SPCS2: variants seen among roughly 807,000 people sequenced by gnomAD.
The protein encoded by SPCS2 is SPase 25 kDa subunit.
Under a neutral mutation model 22.3 loss-of-function variants are expected in SPCS2, and 3 were observed. The observed-to-expected ratio is 0.13, with a 90% CI of 0.06 to 0.35. The LOEUF (loss-of-function observed/expected upper bound fraction) is 0.35, where lower values mean the gene tolerates loss of function less well. Ranked by LOEUF, SPCS2 falls within the 10% of genes least tolerant of loss-of-function variation. SPCS2 has a pLI of 1.00. For missense variants in SPCS2, 169 were observed against 280.9 expected (o/e 0.60, Z 2.85); for synonymous variants, 67 against 97.2 (o/e 0.69, Z 1.83).
At chr11:74,965,718 G>A (rs926245344) in intron 2 of SPCS2, 45 bp from the exon 3 acceptor site, 80 of 1,491,768 alleles carry the variant, frequency 5.4e-5, no homozygotes, top group Non-Finnish European at 7.3e-5. Flanking sequence ...CACATACTGG[G>A]GAGGAAGTAT....
At chr11:74,965,568 T>C (rs1565486537) in intron 2 of SPCS2, among the ~76,000 whole-genome samples, 195 bp from the exon 3 acceptor site, 1 of 152,162 alleles carries the variant, frequency 6.6e-6, no homozygotes, top group Non-Finnish European at 1.5e-5. Context: ...AAGTTTTTTA[T>C]ATGAGGGATT....
At chr11:74,972,123 A>G (rs1022591326) in intron 4 of SPCS2, among the ~76,000 whole-genome samples, 6 of 151,948 alleles carry the variant, frequency 3.9e-5, no homozygotes, top group Non-Finnish European at 4.4e-5. Context: ...CTGGAGCGCA[A>G]TGACGCGATC....
At chr11:74,973,865 T>G (rs1948600827) in intron 4 of SPCS2, among the ~76,000 whole-genome samples, 1 of 152,154 alleles carries the variant, frequency 6.6e-6, no homozygotes, top group Non-Finnish European at 1.5e-5. Context: ...GTCTATGGGA[T>G]TCTATCTCTT....
chr11:74,962,890 T>C (rs983015546), intron 1 of SPCS2, among the ~76,000 whole-genome samples: 2 of 152,258 alleles, frequency 1.3e-5, no homozygotes, highest in Admixed American at 6.5e-5. Context: ...TACATTGTAA[T>C]GGCTGCTTCT....
At chr11:74,956,534 G>A (rs181163294) in intron 1 of SPCS2, among the ~76,000 whole-genome samples, 2 of 150,490 alleles carry the variant, frequency 1.3e-5, no homozygotes, top group Non-Finnish European at 2.9e-5. Flanking sequence ...TCTCATTGTC[G>A]TATTTTCCTG....
chr11:74,963,544 A>ATTGTTTGTTTGT, intron 1 of SPCS2: 1 of 403,484 alleles, frequency 2.5e-6, no homozygotes, highest in South Asian at 1.8e-5. Flanking sequence ...TTTATTTTTT[A>ATTGTTTGTTTGT]TTGTTTGTTT....
intron 4 of SPCS2, among the ~76,000 whole-genome samples, chr11:74,975,229 G>T (rs1948608477): frequency 6.6e-6 from 1 of 152,066 alleles, no homozygotes; most frequent in Non-Finnish European, 1.5e-5. Flanking sequence ...CAGGGCCTTT[G>T]CACTTGCTGT....
At chr11:74,955,886 A>ATATATATT (rs1948476432) in intron 1 of SPCS2, among the ~76,000 whole-genome samples, 1 of 128,896 alleles carries the variant, frequency 7.8e-6, no homozygotes, top group East Asian at 2.5e-4. Flanking sequence ...ATATATATAT[A>ATATATATT]TCTGCCTGCC....
At chr11:74,965,159 A>T in intron 2 of SPCS2, 42 bp downstream of exon 2, 1 of 1,269,098 alleles carries the variant, frequency 7.9e-7, no homozygotes, top group Non-Finnish European at 1.1e-6. Flanking sequence ...TATACAGCTG[A>T]TGGCCATCTC....
At chr11:74,955,047 A>G (rs561275056) in intron 1 of SPCS2, among the ~76,000 whole-genome samples, 221 of 152,190 alleles carry the variant, frequency 1.5e-3, no homozygotes, top group Admixed American at 2.9e-3. Flanking sequence ...TAAGATTGCT[A>G]TAATAAAGGG....
intron 4 of SPCS2, among the ~76,000 whole-genome samples, chr11:74,973,042 G>A (rs1056732751): frequency 1.3e-5 from 2 of 152,036 alleles, no homozygotes; most frequent in African/African-American, 4.8e-5. Flanking sequence ...CACAGGAAGG[G>A]GAACATCCCT....
intron 1 of SPCS2, among the ~76,000 whole-genome samples, chr11:74,955,090 GAATATGGAGAAATCAGAA>G (rs1431690207): frequency 6.6e-6 from 1 of 152,162 alleles, no homozygotes; most frequent in African/African-American, 2.4e-5. Flanking sequence ...GTTTTGGTGA[GAATATGGAGAAATCAGAA>G]TCTTCATATA....
chr11:74,955,059 G>GA (rs145962593), intron 1 of SPCS2, among the ~76,000 whole-genome samples: 8 of 151,664 alleles, frequency 5.3e-5, no homozygotes, highest in African/African-American at 1.9e-4. Flanking sequence ...AATAAAGGGG[G>GA]AAAAAAAAGG....
chr11:74,962,618 A>G (rs1226742702), intron 1 of SPCS2, among the ~76,000 whole-genome samples: 1 of 152,042 alleles, frequency 6.6e-6, no homozygotes, highest in East Asian at 1.9e-4. Context: ...AGCAGCATAC[A>G]TTTTAGTTGA....
chr11:74,971,356 G>A (rs796989184), intron 4 of SPCS2, among the ~76,000 whole-genome samples: 45 of 152,204 alleles, frequency 3.0e-4, no homozygotes, highest in African/African-American at 1.1e-3. Flanking sequence ...CATTTCTCTT[G>A]GGTAATACAC....
chr11:74,973,750 T>G (rs1217288268), intron 4 of SPCS2, among the ~76,000 whole-genome samples: 1 of 152,072 alleles, frequency 6.6e-6, no homozygotes, highest in Non-Finnish European at 1.5e-5. Flanking sequence ...TCCTCCCCCA[T>G]CTTTACTCTC....
At chr11:74,961,124 CAATA>C (rs1565485695) in intron 1 of SPCS2, among the ~76,000 whole-genome samples, 12 of 151,172 alleles carry the variant, frequency 7.9e-5, no homozygotes, top group Non-Finnish European at 1.8e-4. Context: ...GTGAGGGAGA[CAATA>C]CATACAGTCA....
At chr11:74,972,745 T>C (rs1172191595) in intron 4 of SPCS2, among the ~76,000 whole-genome samples, 1 of 151,452 alleles carries the variant, frequency 6.6e-6, no homozygotes, top group African/African-American at 2.4e-5. Flanking sequence ...AAACAACAAA[T>C]TGGATCCACT....
intron 1 of SPCS2, among the ~76,000 whole-genome samples, chr11:74,956,235 A>G (rs1948478109): frequency 6.6e-6 from 1 of 152,012 alleles, no homozygotes; most frequent in Non-Finnish European, 1.5e-5. Flanking sequence ...CATGACTTAA[A>G]TAACATGTAG....
Sources: allele counts gnomAD v4.1 joint callset (sites outside exome capture counted in the v4.1 genomes callset), GRCh38; gene constraint gnomAD v4.1.1; transcripts MANE v1.5; gene names NCBI Gene and HGNC (gene_info 2026-07-23, HGNC 2026-07-21).